The following VASH2 variants were observed in gnomAD, a reference collection of about 807,000 sequenced individuals.
VASH2 encodes vasohibin 2.
In VASH2, 28 loss-of-function variants were observed where a neutral mutation model predicts 37.2. The ratio of observed to expected loss-of-function variants is 0.75; its 90% confidence interval spans 0.56 to 1.03. VASH2 has a LOEUF of 1.03. Among genes scored for constraint, VASH2 ranks in the 50% least tolerant of loss-of-function variants. The pLI, the probability that VASH2 is intolerant of heterozygous loss-of-function variation, is 0.00. For synonymous variants in VASH2, 188 were observed against 174.7 expected (o/e 1.08, Z -0.60); for missense variants, 419 against 459.1 (o/e 0.91, Z 0.80).
At chr1:212,964,326 G>A (rs534367103) in intron 3 of VASH2, among the ~76,000 whole-genome samples, 7 of 152,170 alleles carry the variant, frequency 4.6e-5, no homozygotes, top group East Asian at 1.9e-4. Context: ...GCCGCTAGGC[G>A]CCCCTGTCAC....
At position 212,966,229 on chromosome 1, in the gene VASH2, T is replaced by C. The variant is rs140154675; in HGVS notation, c.423-42T>C. 73 of 1,522,232 alleles carry C rather than the reference T, an allele frequency of 4.8e-5. 4 individuals carry two copies. In the African/African-American group the frequency reaches 5.8e-4, roughly 12 times the overall value. The allele number at this position is 1,522,232 out of a possible 1,614,324, so 94.3% of individuals were successfully genotyped here. ...ATTGACAGACTGACCGAGTGTGTAA[T>C]TAAATAGGTTCTGAGATCCTCTGCT... On this transcript the variant is annotated intron_variant, in intron 4 of 7. Coordinates refer to ENST00000517399, the MANE Select transcript of VASH2 (RefSeq NM_001301056.2).
intron 3 of VASH2, among the ~76,000 whole-genome samples, chr1:212,961,540 A>C (rs534496226): frequency 6.6e-6 from 1 of 150,736 alleles, no homozygotes; most frequent in Admixed American, 6.6e-5. Context: ...TCTTCCTTCT[A>C]TCTTCTCCTC....
Position 212,951,839 on chromosome 1 carries a change from A to T in VASH2, c.276+21A>T. On this transcript the variant is annotated intron_variant, in intron 2 of 7. Coordinates refer to ENST00000517399, the MANE Select transcript of VASH2 (RefSeq NM_001301056.2). The surrounding 1 kb of genome is among the most constrained non-coding windows in gnomAD (Gnocchi z 4.4). The stretch of plus-strand genomic sequence containing the variant: ...CAAAGGTCAGTGGCTTCCAGGGCGG[A>T]GTTGGGGGGCTGGGGGTAGGTAGGC... 6.3e-7 allele frequency: 1 copy of T among 1,589,666 alleles called. No individual in the cohort carries two copies. Among genetic ancestry groups the T allele is most frequent in the Non-Finnish European group, 8.5e-7 (1 of 1,172,896 alleles).
At position 212,956,926 on chromosome 1, in the gene VASH2, A is replaced by C. The variant is rs79986239; in HGVS notation, c.277-4240A>C. Among the ~76,000 whole-genome samples the C allele has an allele frequency of 4.7e-3, 714 of 152,252 alleles. 5 individuals carry two copies. Among genetic ancestry groups the C allele is most frequent in the African/African-American group, 0.016 (661 of 41,524 alleles). Reference sequence around the variant, plus strand: ...TTAAGTGTACAACTCTGTGGCATTGAGTACCTTCACACTGTTGTGCAGCCA... The same window carrying C: ...TTAAGTGTACAACTCTGTGGCATTGCGTACCTTCACACTGTTGTGCAGCCA... On this transcript the variant is annotated intron_variant, in intron 2 of 7. Coordinates refer to ENST00000517399, the MANE Select transcript of VASH2 (RefSeq NM_001301056.2).
At chr1:212,976,829 A>C (rs763950625) in intron 7 of VASH2, among the ~76,000 whole-genome samples, 13 of 152,340 alleles carry the variant, frequency 8.5e-5, no homozygotes, top group South Asian at 2.1e-4. Context: ...GACCAGGGAA[A>C]GGGAGTGGTC....
intron 2 of VASH2, among the ~76,000 whole-genome samples, chr1:212,957,218 G>A (rs74977556): frequency 0.011 from 1,691 of 152,300 alleles, 41 homozygotes; most frequent in African/African-American, 0.038. Flanking sequence ...CCTTTTAAAG[G>A]CTGAATCGTG....
At chr1:212,987,771 T>C (rs2102666591) in intron 7 of VASH2, among the ~76,000 whole-genome samples, 1 of 152,366 alleles carries the variant, frequency 6.6e-6, no homozygotes, top group South Asian at 2.1e-4. Context: ...AGTTGTAAGA[T>C]ACATTGTGAG....
At chr1:212,967,383 CAGAT>C (rs1315968948) in intron 5 of VASH2, 10 of 1,198,788 alleles carry the variant, frequency 8.3e-6, no homozygotes, top group Non-Finnish European at 1.1e-5. Context: ...CTGCCACAAT[CAGAT>C]AGAAGAGCAA....
intron 2 of VASH2, among the ~76,000 whole-genome samples, chr1:212,959,953 C>T (rs1017936446): frequency 2.0e-5 from 3 of 152,228 alleles, no homozygotes; most frequent in Non-Finnish European, 2.9e-5. Context: ...GCAGCACTGC[C>T]GGAGCCCCAC....
In VASH2 at chr1:212,972,862, G is replaced by A. The variant is rs377187496; in HGVS notation, c.780G>A (p.Gln260=). 1.2e-4 allele frequency: 188 copies of A among 1,614,018 alleles called. No homozygotes were observed. Among genetic ancestry groups the A allele is most frequent in the Non-Finnish European group, 1.5e-4 (180 of 1,180,050 alleles). ...LYVPHEPHSF[Q]PIEWKQLVLN... ...TCCCCCATGAGCCTCATAGCTTCCA[G>A]CCCATTGAGTGGAAGCAGCTGGTCC... The change falls in exon 6 of 8, where the codon CAG becomes CAA. Residue 260 remains glutamine (Q), a synonymous_variant. Transcript: ENST00000517399.
intron 2 of VASH2, among the ~76,000 whole-genome samples, chr1:212,953,055 C>A (rs923336127): frequency 6.6e-6 from 1 of 152,290 alleles, no homozygotes; most frequent in South Asian, 2.1e-4. Context: ...GCAGTTCTGA[C>A]TTGAGAATTT....
chr1:212,982,460 C>T (rs906913700), intron 7 of VASH2, among the ~76,000 whole-genome samples: 1 of 152,252 alleles, frequency 6.6e-6, no homozygotes, highest in Non-Finnish European at 1.5e-5. Flanking sequence ...AGTGCAGACC[C>T]GGCTGAATCA....
chr1:212,958,367 G>A (rs1042230161), intron 2 of VASH2, among the ~76,000 whole-genome samples: 2 of 152,188 alleles, frequency 1.3e-5, no homozygotes, highest in African/African-American at 4.8e-5. Flanking sequence ...CAGGAAGTGT[G>A]GCCACAGCTC....
chr1:212,967,179 C>T (rs1056884859), intron 5 of VASH2: 14 of 1,304,088 alleles, frequency 1.1e-5, no homozygotes, highest in Middle Eastern at 2.1e-4. Context: ...ACCAGACTCC[C>T]GGCTCTTCAG....
At chr1:212,960,803 T>C (rs1204838618) in intron 2 of VASH2, among the ~76,000 whole-genome samples, 1 of 152,208 alleles carries the variant, frequency 6.6e-6, no homozygotes, top group African/African-American at 2.4e-5. Flanking sequence ...CTGGAATGCT[T>C]TCGTGTCCGT....
At chr1:212,960,022 C>T (rs955751732) in intron 2 of VASH2, among the ~76,000 whole-genome samples, 11 of 152,178 alleles carry the variant, frequency 7.2e-5, no homozygotes, top group Non-Finnish European at 8.8e-5. Flanking sequence ...GTCAGAAGAC[C>T]GAGAAACATG....
intron 5 of VASH2, chr1:212,967,349 C>G (rs1174657366): frequency 8.2e-7 from 1 of 1,217,978 alleles, no homozygotes; most frequent in African/African-American, 1.6e-5. Context: ...GGGGATAGAC[C>G]CAGGAACAGC....
intron 2 of VASH2, among the ~76,000 whole-genome samples, chr1:212,960,739 G>T (rs1474880528): frequency 6.6e-6 from 1 of 152,180 alleles, no homozygotes; most frequent in Non-Finnish European, 1.5e-5. Context: ...TAGAGCACTT[G>T]TAGTGGATCA....
chr1:212,976,005 C>T lies in VASH2; in HGVS notation c.995+1935C>T, dbSNP rs117416156. On this transcript the variant is annotated intron_variant, in intron 7 of 7. Transcript: ENST00000517399. ...CCATGTTGAGTTTTTAACCAGGAAACGTGACCATAAATGTGAGGGGATGGT... is the reference window on the plus strand; with the variant it reads ...CCATGTTGAGTTTTTAACCAGGAAATGTGACCATAAATGTGAGGGGATGGT... 4.0e-3 allele frequency among the ~76,000 whole-genome samples: 608 copies of T among 152,210 alleles called. 21 individuals are homozygous for T. The East Asian group carries it at 0.084, about 21-fold the overall frequency.
Sources: allele counts gnomAD v4.1 joint callset (sites outside exome capture counted in the v4.1 genomes callset), GRCh38; gene constraint gnomAD v4.1.1; non-coding constraint Gnocchi (gnomAD v3.1); transcripts MANE v1.5; gene names NCBI Gene and HGNC (gene_info 2026-07-23, HGNC 2026-07-21).